Variants in IL1R1 observed in about 807,000 individuals in gnomAD.
The protein encoded by IL1R1 is interleukin-1 receptor type 1.
IL1R1 carries 22 observed loss-of-function variants against 50.2 expected under a neutral mutation model. That is an observed-to-expected ratio of 0.44 (90% confidence interval 0.31 to 0.63). The LOEUF (loss-of-function observed/expected upper bound fraction) is 0.63, where lower values mean the gene tolerates loss of function less well. Among genes scored for constraint, IL1R1 ranks in the 20% least tolerant of loss-of-function variants. The probability of loss-of-function intolerance (pLI) is 0.07; values close to 1 mark genes in which losing one functional copy is unlikely to be tolerated. For missense variants in IL1R1, 509 were observed against 676.2 expected (o/e 0.75, Z 2.74); for synonymous variants, 251 against 236.7 (o/e 1.06, Z -0.55).
chr2:102,070,466 T>C (rs1678666980), exon 1 of IL1R1: 1 of 152,194 alleles, frequency 6.6e-6, no homozygotes, highest in Admixed American at 6.5e-5. Flanking sequence ...TCTCGACTAA[T>C]GTGAAAGATG....
Position 102,077,967 on chromosome 2 carries a change from A to G in IL1R1, c.-84+7434A>G, listed in dbSNP as rs551967280. Among the ~76,000 whole-genome samples, 22 of 152,360 alleles carry G rather than the reference A, an allele frequency of 1.4e-4. No homozygotes were observed. The South Asian group carries it at 4.3e-3, about 30-fold the overall frequency. Reference sequence around the variant, plus strand: ...TGAAAATTAAACAATATACTCTTAAATATCAAATGGGTCAAAGAAGAAATT... The same window carrying G: ...TGAAAATTAAACAATATACTCTTAAGTATCAAATGGGTCAAAGAAGAAATT... On this transcript the variant is annotated intron_variant, in intron 1 of 11. Transcript: ENST00000409929.
At chr2:102,075,810 GC>G (rs1417854605) in intron 1 of IL1R1, among the ~76,000 whole-genome samples, 26 of 152,310 alleles carry the variant, frequency 1.7e-4, no homozygotes, top group Admixed American at 7.2e-4. Context: ...GCTATGAGGA[GC>G]CATTTAAATT....
In IL1R1 at chr2:102,079,006, G is replaced by A. The variant is rs559596213; in HGVS notation, c.-84+8473G>A. ...ATGGAATTGCATAATCATCTCAATAGATGCAGACAAAATGTCTGATAAAAT... is the reference window on the plus strand; with the variant it reads ...ATGGAATTGCATAATCATCTCAATAAATGCAGACAAAATGTCTGATAAAAT... On this transcript the variant is annotated intron_variant, in intron 1 of 11. Transcript: ENST00000409929. 3.6e-4 allele frequency among the ~76,000 whole-genome samples: 55 copies of A among 152,224 alleles called. 1 individual carries two copies. In the South Asian group the frequency reaches 7.5e-3, roughly 21 times the overall value.
At chr2:102,071,861 C>T (rs1678735592) in intron 1 of IL1R1, among the ~76,000 whole-genome samples, 1 of 152,196 alleles carries the variant, frequency 6.6e-6, no homozygotes, top group Non-Finnish European at 1.5e-5. Context: ...AGACCAGTGG[C>T]TGCCAAGGGC....
At chr2:102,110,464 C>G (rs1680693680) in intron 1 of IL1R1, among the ~76,000 whole-genome samples, 1 of 125,564 alleles carries the variant, frequency 8.0e-6, no homozygotes, top group Non-Finnish European at 1.6e-5. Context: ...CAATTAACAC[C>G]CCTACCAGGA....
intron 1 of IL1R1, among the ~76,000 whole-genome samples, chr2:102,105,572 G>T (rs999794932): frequency 5.3e-5 from 8 of 152,108 alleles, no homozygotes; most frequent in Non-Finnish European, 1.2e-4. Flanking sequence ...CACTGTGTTA[G>T]CCAGGATGGT....
Position 102,176,842 on chromosome 2 carries a change from G to C in IL1R1, c.*83G>C. The C allele has an allele frequency of 7.8e-7, 1 of 1,275,212 alleles. No individual in the cohort carries two copies. Among genetic ancestry groups the C allele is most frequent in the Non-Finnish European group, 1.1e-6 (1 of 900,108 alleles). The allele number at this position is 1,275,212 out of a possible 1,614,324, so 79.0% of individuals were successfully genotyped here. ...AGGTTATGCCTCATGCTGACTTGCAGAGTTCATGGAATGTAACTATATCAT... is the reference window on the plus strand; with the variant it reads ...AGGTTATGCCTCATGCTGACTTGCACAGTTCATGGAATGTAACTATATCAT... On this transcript the variant is annotated 3_prime_UTR_variant, in exon 12 of 12. Transcript: ENST00000410023.
intron 1 of IL1R1, among the ~76,000 whole-genome samples, chr2:102,070,922 G>C (rs2058652): frequency 2.0e-3 from 307 of 152,178 alleles, no homozygotes; most frequent in African/African-American, 5.7e-3. Context: ...GTGTATCTAA[G>C]AGGTAGCTCT....
In IL1R1 at chr2:102,115,708, C is replaced by T. The variant is rs141281303; in HGVS notation, c.-84+10836C>T. On this transcript the variant is annotated intron_variant, in intron 1 of 10. Coordinates refer to the IL1R1 transcript ENST00000409329. Reference sequence around the variant, plus strand: ...GATAGGCCTTGGAGGGGGGAGAAGGCGGAAGAAGAAGACTTGAGCTGGAGG... The same window carrying T: ...GATAGGCCTTGGAGGGGGGAGAAGGTGGAAGAAGAAGACTTGAGCTGGAGG... Among the ~76,000 whole-genome samples the T allele has an allele frequency of 1.8e-3, 280 of 151,998 alleles. 3 individuals carry two copies. Among genetic ancestry groups the T allele is most frequent in the African/African-American group, 6.4e-3 (266 of 41,458 alleles).
chr2:102,085,534 T>A (rs1043044682), intron 1 of IL1R1, among the ~76,000 whole-genome samples: 2 of 152,068 alleles, frequency 1.3e-5, no homozygotes, highest in Non-Finnish European at 2.9e-5. Context: ...TATGTAGGTG[T>A]GTATGAGTCT....
intron 3 of IL1R1, among the ~76,000 whole-genome samples, chr2:102,160,146 C>T (rs1034240199): frequency 6.6e-6 from 1 of 152,100 alleles, no homozygotes; most frequent in African/African-American, 2.4e-5. Context: ...CTCAAGGGAG[C>T]TTTAATAGTC....
At chr2:102,140,759 T>G (rs1682600823), upstream of IL1R1, among the ~76,000 whole-genome samples, 2 of 151,458 alleles carry the variant, frequency 1.3e-5, no homozygotes, top group African/African-American at 2.4e-5. Context: ...AAGGAGAAAG[T>G]CAGTGAAAGT....
chr2:102,077,003 C>T (rs764605080), intron 1 of IL1R1, among the ~76,000 whole-genome samples: 16 of 152,046 alleles, frequency 1.1e-4, no homozygotes, highest in Middle Eastern at 3.4e-3. Flanking sequence ...CTTTTCTCAC[C>T]GCTTAATTTT....
intron 1 of IL1R1, among the ~76,000 whole-genome samples, chr2:102,079,806 A>G (rs998568187): frequency 6.6e-6 from 1 of 152,146 alleles, no homozygotes; most frequent in African/African-American, 2.4e-5. Context: ...AAAAATAACA[A>G]AGTCAATGAC....
chr2:102,133,175 C>T (rs545661430), intron 1 of IL1R1, among the ~76,000 whole-genome samples: 41 of 140,360 alleles, frequency 2.9e-4, no homozygotes, highest in African/African-American at 9.4e-4. Context: ...ACCCAGGAGG[C>T]GGAGCTTGCA....
At chr2:102,090,298 C>T (rs1047762537) in intron 1 of IL1R1, among the ~76,000 whole-genome samples, 3 of 151,964 alleles carry the variant, frequency 2.0e-5, no homozygotes, top group Non-Finnish European at 4.4e-5. Flanking sequence ...ATAAGTCAAT[C>T]AGATCAAATA....
At chr2:102,127,865 A>T (rs1433548422) in intron 1 of IL1R1, among the ~76,000 whole-genome samples, 1 of 152,198 alleles carries the variant, frequency 6.6e-6, no homozygotes, top group Admixed American at 6.5e-5. Flanking sequence ...TAACAATGAA[A>T]AATGAAGAGA....
At chr2:102,151,739 T>C (rs1683675528) in intron 1 of IL1R1, among the ~76,000 whole-genome samples, 5 of 152,236 alleles carry the variant, frequency 3.3e-5, no homozygotes, top group Non-Finnish European at 7.3e-5. Context: ...GCAAGGGCGC[T>C]GTGGGAAGCT....
chr2:102,085,456 C>G (rs991118006), intron 1 of IL1R1, among the ~76,000 whole-genome samples: 2 of 152,088 alleles, frequency 1.3e-5, no homozygotes, highest in African/African-American at 4.8e-5. Context: ...TGATTCAGTG[C>G]CATTTAGAGA....
Sources: allele counts gnomAD v4.1 joint callset (sites outside exome capture counted in the v4.1 genomes callset), GRCh38; gene constraint gnomAD v4.1.1; transcripts MANE v1.5; gene names NCBI Gene and HGNC (gene_info 2026-07-23, HGNC 2026-07-21).